The following ZNF766 variants were observed in gnomAD, a reference collection of about 807,000 sequenced individuals.
ZNF766 encodes the protein zinc finger protein 766.
Under a neutral mutation model 13.2 loss-of-function variants are expected in ZNF766, and 13 were observed. The ratio of observed to expected loss-of-function variants is 0.98; its 90% CI spans 0.64 to 1.56. The LOEUF (loss-of-function observed/expected upper bound fraction) is 1.56, where lower values mean the gene tolerates loss of function less well. Ranked by LOEUF, ZNF766 falls within the 40% of genes most tolerant of loss-of-function variation. ZNF766 has a pLI of 0.00. For missense variants in ZNF766, 521 were observed against 552.2 expected, an observed-to-expected ratio of 0.94 and a Z score of 0.57; for synonymous variants, 178 against 187.6, an observed-to-expected ratio of 0.95 and a Z score of 0.42.
intron 1 of ZNF766, 118 bp from the exon 2 acceptor site, chr19:52,281,993 T>C: frequency 2.5e-6 from 3 of 1,208,532 alleles, no homozygotes; most frequent in Non-Finnish European, 3.5e-6. Context: ...AATGTGGATA[T>C]GTCAGAATGT....
chr19:52,288,935 T>TC (rs1414426769), intron 3 of ZNF766, among the ~76,000 whole-genome samples: 1 of 152,114 alleles, frequency 6.6e-6, no homozygotes, highest in Non-Finnish European at 1.5e-5. Context: ...AACCTCTGCC[T>TC]CCCGGGTTCA....
chr19:52,282,043 C>T, intron 1 of ZNF766, 68 bp from the exon 2 acceptor site: 1 of 1,555,792 alleles, frequency 6.4e-7, no homozygotes, highest in East Asian at 2.4e-5. Context: ...TTACAACCCT[C>T]TTCTCATTTC....
chr19:52,277,670 T>C, intron 1 of ZNF766: 1 of 995,538 alleles, frequency 1.0e-6, no homozygotes, highest in Non-Finnish European at 1.5e-6. Flanking sequence ...CACCCATGCC[T>C]TCCTTCAGTC....
rs117969333 is a variant in ZNF766 at position 52,272,513 on chromosome 19, C to T, written c.18+2882C>T. 2.0e-5 allele frequency among the ~76,000 whole-genome samples: 3 copies of T among 152,288 alleles called. No homozygotes were observed. In the East Asian group the frequency reaches 5.8e-4, roughly 29 times the overall value. On this transcript the variant is annotated intron_variant, in intron 1 of 3. Transcript: ENST00000439461. Reference sequence around the variant, plus strand: ...ACACGGTCTCAGTCTGTCACCCAGACTGGAGTGCAGTGGTGCAATCATAGC... The same window carrying T: ...ACACGGTCTCAGTCTGTCACCCAGATTGGAGTGCAGTGGTGCAATCATAGC...
chr19:52,269,724 C>G, intron 1 of ZNF766, 93 bp downstream of exon 1: 1 of 1,473,906 alleles, frequency 6.8e-7, no homozygotes, highest in Non-Finnish European at 9.3e-7. Context: ...ACCTTGAAAT[C>G]CCCGCACCGC....
chr19:52,289,153 G>GTTTT (rs61647050), intron 3 of ZNF766, among the ~76,000 whole-genome samples: 9,920 of 133,254 alleles, frequency 0.074, 857 homozygotes, highest in African/African-American at 0.21. Flanking sequence ...ACCGCATGTG[G>GTTTT]TTTTTTTTTT....
rs778764055 is a variant in ZNF766, at chr19:52,291,233, TCAA to T, written c.*38_*40del. 70 of 1,526,342 alleles carry T rather than the reference TCAA, an allele frequency of 4.6e-5. No homozygotes were observed. The Middle Eastern group carries it at 1.2e-3, about 27-fold the overall frequency. 94.5% of individuals were successfully genotyped at this position (1,526,342 alleles called of 1,614,324 possible). On this transcript the variant is annotated 3_prime_UTR_variant, in exon 4 of 4. Coordinates refer to ENST00000439461, the MANE Select transcript of ZNF766 (RefSeq NM_001010851.3). Reference sequence around the variant, plus strand: ...ACTCTATCATAAGTTCTAGCAGTAATCAACATCCGAGAGTCTATACTAGAAAGA... The same window carrying T: ...ACTCTATCATAAGTTCTAGCAGTAATCATCCGAGAGTCTATACTAGAAAGA...
At chr19:52,282,643 AAAG>A (rs938177056) in intron 2 of ZNF766, 2 of 155,486 alleles carry the variant, frequency 1.3e-5, no homozygotes, top group African/African-American at 4.8e-5. Flanking sequence ...TTTCAAAAAA[AAAG>A]AAACCCTGTT....
chr19:52,285,824 G>T (rs989057821), intron 3 of ZNF766, among the ~76,000 whole-genome samples: 3 of 152,148 alleles, frequency 2.0e-5, no homozygotes, highest in Non-Finnish European at 4.4e-5. Context: ...GGAGGAGAAG[G>T]TTGGAGAGGT....
intron 3 of ZNF766, among the ~76,000 whole-genome samples, chr19:52,289,174 G>A (rs925288361): frequency 2.4e-5 from 3 of 125,912 alleles, no homozygotes; most frequent in East Asian, 2.3e-4. Context: ...TTTTTGAAAC[G>A]GATTCTCATT....
rs1384855137 is a variant in ZNF766 at position 52,295,123 on chromosome 19, A to G, written c.*3925A>G. Reference sequence around the variant, plus strand: ...TTTATATATGCACGTATAGACACATATATAATATTTTTTTTTTACTTTTTT... The same window carrying G: ...TTTATATATGCACGTATAGACACATGTATAATATTTTTTTTTTACTTTTTT... On this transcript the variant is annotated 3_prime_UTR_variant, in exon 4 of 4. Transcript: ENST00000439461. The G allele has an allele frequency of 6.6e-6, 1 of 151,250 alleles. No individual in the cohort carries two copies. Among genetic ancestry groups the G allele is most frequent in the African/African-American group, 2.4e-5 (1 of 40,908 alleles). 9.4% of individuals were successfully genotyped at this position (151,250 alleles called of 1,614,324 possible). A position where few individuals can be genotyped will look rare whatever the true frequency, so the allele number is the denominator to read the frequency against.
intron 1 of ZNF766, among the ~76,000 whole-genome samples, chr19:52,280,833 G>C (rs1192481082): frequency 6.6e-6 from 1 of 150,434 alleles, no homozygotes; most frequent in Admixed American, 6.6e-5. Flanking sequence ...ACCTGCCTCG[G>C]CCTCCCAAAG....
intron 3 of ZNF766, among the ~76,000 whole-genome samples, chr19:52,286,433 G>A (rs932514602): frequency 1.7e-4 from 26 of 149,956 alleles, no homozygotes; most frequent in African/African-American, 6.4e-4. Context: ...TCAACCACAT[G>A]CCTGGCTGAT....
At position 52,291,962 on chromosome 19, in the gene ZNF766, C is replaced by T. The variant is rs1982168075; in HGVS notation, c.*764C>T. On this transcript the variant is annotated 3_prime_UTR_variant, in exon 4 of 4. Coordinates refer to ENST00000439461, the MANE Select transcript of ZNF766 (RefSeq NM_001010851.3). Reference sequence around the variant, plus strand: ...TGGCATGTGTCTGTAGTTCCAGCTACTCAAGAGGCCGAGGCAAGAGGATTG... The same window carrying T: ...TGGCATGTGTCTGTAGTTCCAGCTATTCAAGAGGCCGAGGCAAGAGGATTG... 17 of 557,240 alleles carry T rather than the reference C, an allele frequency of 3.1e-5. No homozygotes were observed. The East Asian group carries it at 4.4e-4, about 14-fold the overall frequency. The allele number at this position is 557,240 out of a possible 1,614,324, so 34.5% of individuals were successfully genotyped here.
At chr19:52,273,789 G>T (rs1325980445) in intron 1 of ZNF766, among the ~76,000 whole-genome samples, 1 of 152,192 alleles carries the variant, frequency 6.6e-6, no homozygotes, top group Non-Finnish European at 1.5e-5. Context: ...AAGACCCAAG[G>T]GTAGAGCAGA....
chr19:52,277,083 C>T (rs1981240631), intron 1 of ZNF766: 1 of 1,001,746 alleles, frequency 1.0e-6, no homozygotes, highest in Non-Finnish European at 1.2e-6. Context: ...GTCTTCCCTG[C>T]GTGTGTGGTT....
chr19:52,280,998 A>G (rs1035728079), intron 1 of ZNF766, among the ~76,000 whole-genome samples: 3 of 151,740 alleles, frequency 2.0e-5, no homozygotes, highest in Non-Finnish European at 4.4e-5. Context: ...TGTACTAAAA[A>G]TACAAAATTA....
At position 52,292,001 on chromosome 19, in the gene ZNF766, G is replaced by A; in HGVS notation, c.*803G>A. On this transcript the variant is annotated 3_prime_UTR_variant, in exon 4 of 4. Transcript: ENST00000439461. ...GCAAGAGGATTGCTCAAGCCCAGGA[G>A]TTTGAGAGTTTGAGCAGTGAGCTCT... 1 of 596,938 alleles carries A rather than the reference G, an allele frequency of 1.7e-6. No individual in the cohort carries two copies. The highest frequency in any genetic ancestry group is 2.8e-5 in the East Asian group (1 of 35,444). 37.0% of individuals were successfully genotyped at this position (596,938 alleles called of 1,614,324 possible). A position where few individuals can be genotyped will look rare whatever the true frequency, so the allele number is the denominator to read the frequency against.
At chr19:52,276,489 C>G (rs1288831378) in intron 1 of ZNF766, among the ~76,000 whole-genome samples, 1 of 152,058 alleles carries the variant, frequency 6.6e-6, no homozygotes, top group East Asian at 1.9e-4. Context: ...TGTTAATAGT[C>G]TTCTTTTTTG....
Sources: gnomAD v4.1 joint callset for allele counts (sites outside exome capture counted in the v4.1 genomes callset) on GRCh38, gnomAD v4.1.1 for gene constraint, MANE v1.5 for transcripts, NCBI Gene and HGNC (gene_info 2026-07-23, HGNC 2026-07-21) for gene names.